Variants in MACROD2 observed in about 807,000 individuals in gnomAD.
MACROD2 encodes mono-ADP ribosylhydrolase 2.
Under a neutral mutation model 70.4 loss-of-function variants are expected in MACROD2, and 36 were observed. The observed-to-expected ratio is 0.51, with a 90% confidence interval of 0.39 to 0.68. The LOEUF (loss-of-function observed/expected upper bound fraction) is 0.68. Among genes scored for constraint, MACROD2 ranks in the 30% least tolerant of loss-of-function variants. The probability of loss-of-function intolerance (pLI) is 0.00; values close to 1 mark genes in which losing one functional copy is unlikely to be tolerated. For missense variants in MACROD2, 496 were observed against 538.4 expected (o/e 0.92, Z 0.78); for synonymous variants, 172 against 178.8 (o/e 0.96, Z 0.30).
chr20:14,646,056 A>G (rs1600494673), intron 4 of MACROD2, among the ~76,000 whole-genome samples: 1 of 150,998 alleles, frequency 6.6e-6, no homozygotes, highest in East Asian at 1.9e-4. Flanking sequence ...TATAAGAAAT[A>G]CCATATATTA....
At chr20:14,968,756 T>C (rs965873433) in intron 5 of MACROD2, among the ~76,000 whole-genome samples, 1 of 152,178 alleles carries the variant, frequency 6.6e-6, no homozygotes, top group Non-Finnish European at 1.5e-5. Flanking sequence ...CACAGTTCGA[T>C]AACCTCTGGA....
chr20:15,814,486 G>A (rs1489229656), intron 8 of MACROD2, among the ~76,000 whole-genome samples: 1 of 152,078 alleles, frequency 6.6e-6, no homozygotes, highest in Non-Finnish European at 1.5e-5. Flanking sequence ...TGTAGTAGCT[G>A]GCTTAATAAT....
At chr20:15,651,609 T>G (rs2049644228) in intron 8 of MACROD2, among the ~76,000 whole-genome samples, 1 of 152,110 alleles carries the variant, frequency 6.6e-6, no homozygotes, top group African/African-American at 2.4e-5. Flanking sequence ...TGCAAAGAGG[T>G]GGCACCTGGA....
intron 5 of MACROD2, among the ~76,000 whole-genome samples, chr20:14,816,980 A>T (rs1421988424): frequency 6.6e-6 from 1 of 152,164 alleles, no homozygotes; most frequent in African/African-American, 2.4e-5. Context: ...CACTTAAAGC[A>T]CATATATTAA....
intron 2 of MACROD2, among the ~76,000 whole-genome samples, chr20:14,046,025 T>C (rs532733512): frequency 6.6e-6 from 1 of 152,306 alleles, no homozygotes; most frequent in Admixed American, 6.5e-5. Context: ...TGTATGAAAT[T>C]GAAATTTCAG....
chr20:15,860,570 G>C (rs2064411894), intron 8 of MACROD2, among the ~76,000 whole-genome samples: 1 of 151,966 alleles, frequency 6.6e-6, no homozygotes, highest in Non-Finnish European at 1.5e-5. Context: ...TTAATTTTAG[G>C]ATTTTTGATT....
rs561246445 is a variant in MACROD2 at position 14,989,457 on chromosome 20, C to T, written c.419-240483C>T. Among the ~76,000 whole-genome samples, 299 of 152,192 alleles carry T rather than the reference C, an allele frequency of 2.0e-3. 2 individuals are homozygous for T. The highest frequency in any genetic ancestry group is 6.5e-3 in the African/African-American group (268 of 41,526). On this transcript the variant is annotated intron_variant, in intron 5 of 17. Coordinates refer to ENST00000684519, the MANE Select transcript of MACROD2 (RefSeq NM_001351661.2). ...CAGATTTATTACAAAGCAAAAAGTACGCATTCAAGAAAGGGCAGTGCAGGC... is the reference window on the plus strand; with the variant it reads ...CAGATTTATTACAAAGCAAAAAGTATGCATTCAAGAAAGGGCAGTGCAGGC...
chr20:14,941,708 T>C (rs1277743755), intron 5 of MACROD2, among the ~76,000 whole-genome samples: 2 of 152,186 alleles, frequency 1.3e-5, no homozygotes, highest in Non-Finnish European at 1.5e-5. Context: ...ACCTTGTTTC[T>C]AAGCCGCATT....
intron 10 of MACROD2, among the ~76,000 whole-genome samples, chr20:15,892,666 T>C (rs1052802560): frequency 6.6e-6 from 1 of 152,224 alleles, no homozygotes; most frequent in African/African-American, 2.4e-5. Context: ...TAAAAGCACA[T>C]GTGTAAGATT....
At chr20:15,937,431 C>A in intron 11 of MACROD2, 45 bp from the exon 12 acceptor site, 1 of 1,595,756 alleles carries the variant, frequency 6.3e-7, no homozygotes. Context: ...AGCTGGACTT[C>A]CGGAAGGATG....
At chr20:15,887,933 C>A (rs1017262368) in intron 10 of MACROD2, among the ~76,000 whole-genome samples, 1 of 152,136 alleles carries the variant, frequency 6.6e-6, no homozygotes, top group African/African-American at 2.4e-5. Flanking sequence ...ATTTCAACTA[C>A]TTGTTGGCCA....
At chr20:15,927,939 G>T (rs1377417520) in intron 10 of MACROD2, among the ~76,000 whole-genome samples, 1 of 152,200 alleles carries the variant, frequency 6.6e-6, no homozygotes, top group Non-Finnish European at 1.5e-5. Context: ...GGTTTGGACA[G>T]AGTCGGAAGG....
intron 2 of MACROD2, among the ~76,000 whole-genome samples, chr20:14,029,690 C>A (rs768126688): frequency 3.9e-5 from 6 of 152,154 alleles, no homozygotes; most frequent in Non-Finnish European, 7.4e-5. Context: ...ATACAAATCA[C>A]CCAGACACAG....
chr20:15,961,520 T>C (rs1319789529), intron 12 of MACROD2, among the ~76,000 whole-genome samples: 1 of 152,186 alleles, frequency 6.6e-6, no homozygotes, highest in Non-Finnish European at 1.5e-5. Context: ...GCTGCATTTA[T>C]GAATCTGGAG....
At chr20:15,103,721 A>G (rs2123201350) in intron 5 of MACROD2, among the ~76,000 whole-genome samples, 1 of 152,290 alleles carries the variant, frequency 6.6e-6, no homozygotes, top group African/African-American at 2.4e-5. Flanking sequence ...CATGAAGAAG[A>G]GAAAACACCA....
At chr20:15,791,793 A>G (rs762935391) in intron 8 of MACROD2, among the ~76,000 whole-genome samples, 4 of 152,052 alleles carry the variant, frequency 2.6e-5, no homozygotes, top group Non-Finnish European at 4.4e-5. Flanking sequence ...TAGTAAAATT[A>G]GAGATACAGG....
intron 4 of MACROD2, among the ~76,000 whole-genome samples, chr20:14,666,973 A>C (rs191595037): frequency 1.3e-5 from 2 of 151,794 alleles, no homozygotes; most frequent in Admixed American, 1.3e-4. Context: ...ACTGAAGGCT[A>C]CTAGATAGTC....
At chr20:14,255,683 T>TAATAAATAAATAAATAAATA (rs199558871) in intron 3 of MACROD2, among the ~76,000 whole-genome samples, 1 of 136,872 alleles carries the variant, frequency 7.3e-6, no homozygotes, top group East Asian at 2.0e-4. Context: ...CTTAAAAGTA[T>TAATAAATAAATAAATAAATA]AATAAATAAA....
At chr20:14,181,436 C>T (rs557401307) in intron 3 of MACROD2, among the ~76,000 whole-genome samples, 1 of 151,928 alleles carries the variant, frequency 6.6e-6, no homozygotes, top group African/African-American at 2.4e-5. Context: ...CATCATTTTG[C>T]TAAGCACTGA....
Sources: gnomAD v4.1 joint callset for allele counts (sites outside exome capture counted in the v4.1 genomes callset) on GRCh38, gnomAD v4.1.1 for gene constraint, MANE v1.5 for transcripts, NCBI Gene and HGNC (gene_info 2026-07-23, HGNC 2026-07-21) for gene names.